TAFA5: variants seen among roughly 807,000 people sequenced by gnomAD.
TAFA5 encodes the protein chemokine-like protein TAFA-5.
Under a neutral mutation model 15.3 loss-of-function variants are expected in TAFA5, and 6 were observed. The observed-to-expected ratio is 0.39, with a 90% CI of 0.21 to 0.77. The LOEUF (loss-of-function observed/expected upper bound fraction) is 0.77, where lower values mean the gene tolerates loss of function less well. TAFA5 is among the 30% of genes least tolerant of loss of function. The pLI is 0.41. For synonymous variants in TAFA5, 103 were observed against 80.7 expected, an observed-to-expected ratio of 1.28 and a Z score of -1.48; for missense variants, 161 against 193.1, an observed-to-expected ratio of 0.83 and a Z score of 0.98.
At position 48,749,639 on chromosome 22, in the gene TAFA5, G is replaced by A. The variant is rs1056607345; in HGVS notation, c.391-200G>A. Among the ~76,000 whole-genome samples the A allele has an allele frequency of 1.1e-4, 16 of 152,182 alleles. No homozygotes were observed. The East Asian group carries it at 1.9e-3, about 18-fold the overall frequency. On this transcript the variant is annotated intron_variant, in intron 3 of 3. Coordinates refer to ENST00000402357, the MANE Select transcript of TAFA5 (RefSeq NM_001082967.3). ...TGCACAGAGGGCGCCCCACTCTCCC[G>A]AGACACAAGGAAGGGTGGGGATTTG...
At chr22:48,725,604 A>C (rs1929691835) in intron 3 of TAFA5, among the ~76,000 whole-genome samples, 1 of 152,178 alleles carries the variant, frequency 6.6e-6, no homozygotes, top group Admixed American at 6.5e-5. Context: ...ATACGGAGAC[A>C]CCAAAGATGT....
chr22:48,579,534 G>A (rs940011995), intron 1 of TAFA5, among the ~76,000 whole-genome samples: 8 of 152,240 alleles, frequency 5.3e-5, no homozygotes, highest in African/African-American at 1.2e-4. Flanking sequence ...TGCAGACGAC[G>A]TGTGTCACGG....
At chr22:48,678,642 A>G (rs1345880011) in intron 2 of TAFA5, among the ~76,000 whole-genome samples, 1 of 148,606 alleles carries the variant, frequency 6.7e-6, no homozygotes, top group African/African-American at 2.5e-5. Flanking sequence ...CACACGTGGA[A>G]AAGTGTCCTC....
At chr22:48,745,312 G>T (rs1930296145) in intron 3 of TAFA5, among the ~76,000 whole-genome samples, 1 of 150,270 alleles carries the variant, frequency 6.7e-6, no homozygotes, top group Non-Finnish European at 1.5e-5. Flanking sequence ...GTCGTCGGCG[G>T]CTGGCCTGTC....
At chr22:48,533,252 G>A (rs1173214474) in intron 1 of TAFA5, among the ~76,000 whole-genome samples, 1 of 152,174 alleles carries the variant, frequency 6.6e-6, no homozygotes, top group Non-Finnish European at 1.5e-5. Flanking sequence ...TCTCATCGAT[G>A]CCCTGGTCTC....
intron 1 of TAFA5, among the ~76,000 whole-genome samples, chr22:48,518,635 A>G (rs758046086): frequency 7.2e-5 from 11 of 152,188 alleles, no homozygotes; most frequent in Non-Finnish European, 1.3e-4. Context: ...ACTCTCTCAG[A>G]GCAGGGGTGC....
intron 1 of TAFA5, among the ~76,000 whole-genome samples, chr22:48,571,111 G>A (rs562509020): frequency 3.8e-4 from 58 of 152,156 alleles, no homozygotes; most frequent in African/African-American, 1.2e-3. Context: ...GGTATGCATC[G>A]TTGACTGTTT....
At chr22:48,651,889 A>G (rs1035434324) in intron 2 of TAFA5, among the ~76,000 whole-genome samples, 2 of 151,960 alleles carry the variant, frequency 1.3e-5, no homozygotes, top group Non-Finnish European at 2.9e-5. Context: ...TGCTGTGGGG[A>G]TGGGGACCAC....
At chr22:48,655,830 C>CTTTT (rs1197219539) in intron 2 of TAFA5, among the ~76,000 whole-genome samples, 661 of 62,378 alleles carry the variant, frequency 0.011, 142 homozygotes, top group African/African-American at 0.044. Flanking sequence ...AACACTGATT[C>CTTTT]TTTTTTTTTT....
At chr22:48,719,014 G>A (rs572518453) in intron 3 of TAFA5, among the ~76,000 whole-genome samples, 75 of 152,338 alleles carry the variant, frequency 4.9e-4, no homozygotes, top group Middle Eastern at 3.4e-3. Context: ...GGTCAGCTCC[G>A]CCTTGAGGAC....
chr22:48,690,543 A>AGGGCCC (rs1928507544), intron 2 of TAFA5, among the ~76,000 whole-genome samples: 1 of 152,174 alleles, frequency 6.6e-6, no homozygotes, highest in African/African-American at 2.4e-5. Context: ...CGCCAGGGCC[A>AGGGCCC]GGGCCCCTGC....
At chr22:48,563,141 T>G (rs1819421006) in intron 1 of TAFA5, among the ~76,000 whole-genome samples, 1 of 152,246 alleles carries the variant, frequency 6.6e-6, no homozygotes, top group Admixed American at 6.5e-5. Flanking sequence ...CCTCAGGTAC[T>G]TGGCCAGGTC....
At position 48,489,745 on chromosome 22, in the gene TAFA5, GC is replaced by G; in HGVS notation, c.112+45del. ...CCCCGGCCCCGGCACGGCCCTCTGG[GC>G]CCCGGACCCCCTCCTCCGGCCCCGG... On this transcript the variant is annotated intron_variant, in intron 1 of 3. Coordinates refer to ENST00000402357, the MANE Select transcript of TAFA5 (RefSeq NM_001082967.3). This position sits in a 1 kb window ranked among gnomAD's most constrained non-coding sequence, Gnocchi z 5.5. The G allele has an allele frequency of 3.2e-6, 4 of 1,264,384 alleles. No homozygotes were observed. The highest frequency in any genetic ancestry group is 4.1e-6 in the Non-Finnish European group (4 of 968,240). The allele number at this position is 1,264,384 out of a possible 1,614,324, so 78.3% of individuals were successfully genotyped here. A position where few individuals can be genotyped will look rare whatever the true frequency, so the allele number is the denominator to read the frequency against.
intron 1 of TAFA5, among the ~76,000 whole-genome samples, chr22:48,542,368 C>T (rs868596866): frequency 2.1e-3 from 93 of 44,056 alleles, no homozygotes; most frequent in African/African-American, 6.7e-3. Flanking sequence ...TGTGTGTGTG[C>T]GGGTGTGTGG....
At chr22:48,576,295 C>T (rs1923795221) in intron 1 of TAFA5, 3 of 1,145,396 alleles carry the variant, frequency 2.6e-6, no homozygotes, top group Non-Finnish European at 3.2e-6. Context: ...GCTCCCCTCC[C>T]CCCTGCCCAG....
At chr22:48,631,457 C>T (rs5771621) in intron 1 of TAFA5, among the ~76,000 whole-genome samples, 23,740 of 152,258 alleles carry the variant, frequency 0.16, 2,442 homozygotes, top group East Asian at 0.4. Context: ...CCCGTGCAGG[C>T]GCTGAGTGGC....
At chr22:48,522,779 G>A (rs986161268) in intron 1 of TAFA5, among the ~76,000 whole-genome samples, 7 of 152,226 alleles carry the variant, frequency 4.6e-5, no homozygotes, top group African/African-American at 1.7e-4. Context: ...CCAACTGTAA[G>A]TCGGCCCAAG....
chr22:48,645,027 C>T (rs12160071), intron 1 of TAFA5, among the ~76,000 whole-genome samples: 1 of 152,238 alleles, frequency 6.6e-6, no homozygotes, highest in Non-Finnish European at 1.5e-5. Flanking sequence ...AAATTCTTTT[C>T]TAACCGCCGT....
chr22:48,555,209 T>G (rs1281061938), intron 1 of TAFA5, among the ~76,000 whole-genome samples: 1 of 152,098 alleles, frequency 6.6e-6, no homozygotes, highest in Non-Finnish European at 1.5e-5. Context: ...GATGAATGAA[T>G]GAAGGAATGA....
Sources: allele counts gnomAD v4.1 joint callset (sites outside exome capture counted in the v4.1 genomes callset), GRCh38; gene constraint gnomAD v4.1.1; non-coding constraint Gnocchi (gnomAD v3.1); transcripts MANE v1.5; gene names NCBI Gene and HGNC (gene_info 2026-07-23, HGNC 2026-07-21).